The following COL18A1 variants were observed in gnomAD, a reference collection of about 807,000 sequenced individuals.
The protein encoded by COL18A1 is collagen type XVIII alpha 1 chain.
Under a neutral mutation model 168.0 loss-of-function variants are expected in COL18A1, and 133 were observed. The ratio of observed to expected loss-of-function variants is 0.79; its 90% confidence interval spans 0.69 to 0.91. The LOEUF (loss-of-function observed/expected upper bound fraction) is 0.91. Among genes scored for constraint, COL18A1 ranks in the 40% least tolerant of loss-of-function variants. COL18A1 has a pLI of 0.00. For synonymous variants in COL18A1, 949 were observed against 809.0 expected (o/e 1.17, Z -2.94); for missense variants, 2,126 against 1,925.4 (o/e 1.10, Z -1.95).
At chr21:45,507,320 G>A (rs2037272084) in intron 37 of COL18A1, 1 of 589,274 alleles carries the variant, frequency 1.7e-6, no homozygotes, top group South Asian at 1.8e-5. Context: ...ACCCTCCTGT[G>A]GGCTGGCAGG....
At chr21:45,456,827 G>A in intron 2 of COL18A1, 3 of 1,521,678 alleles carry the variant, frequency 2.0e-6, no homozygotes, top group Non-Finnish European at 1.8e-6. Flanking sequence ...CGTCGCCTGT[G>A]CCTCGCTCCC....
intron 4 of COL18A1, 26 bp downstream of exon 4, chr21:45,474,007 G>C: frequency 6.4e-7 from 1 of 1,552,990 alleles, no homozygotes; most frequent in Non-Finnish European, 8.7e-7. Flanking sequence ...GGCACGGGTG[G>C]GGTCTCCCCT....
At chr21:45,474,275 GTGGTGTGTCTCTGTGTCT>G (rs1207562926) in intron 4 of COL18A1, among the ~76,000 whole-genome samples, 2 of 150,924 alleles carry the variant, frequency 1.3e-5, no homozygotes, top group African/African-American at 5.0e-5. Flanking sequence ...CTGTGTCTGT[GTGGTGTGTCTCTGTGTCT>G]TGTGTGGTGT....
chr21:45,494,248 TC>T (rs2036455936), intron 26 of COL18A1: 12 of 472,608 alleles, frequency 2.5e-5, no homozygotes, highest in South Asian at 2.5e-4. Context: ...GCACATGCCC[TC>T]CACCCTCCAC....
intron 2 of COL18A1, among the ~76,000 whole-genome samples, chr21:45,418,275 G>T (rs1031134924): frequency 6.6e-6 from 1 of 152,220 alleles, no homozygotes; most frequent in Non-Finnish European, 1.5e-5. Flanking sequence ...GCCCCCGGCT[G>T]CCGAAGTGGT....
intron 39 of COL18A1, 31 bp from the exon 40 acceptor site, chr21:45,510,033 C>A: frequency 1.3e-6 from 2 of 1,538,434 alleles, no homozygotes; most frequent in Non-Finnish European, 1.7e-6. Flanking sequence ...CAGCGTGGGA[C>A]ACAGCCCGTG....
chr21:45,506,634 C>A (rs894701864), intron 37 of COL18A1: 1 of 171,516 alleles, frequency 5.8e-6, no homozygotes, highest in South Asian at 1.3e-4. Flanking sequence ...AGCCCCATGC[C>A]GCCGAAACGG....
At chr21:45,509,215 C>A (rs1463924786) in intron 38 of COL18A1, 141 bp from the exon 39 acceptor site, 3 of 1,156,964 alleles carry the variant, frequency 2.6e-6, no homozygotes, top group Non-Finnish European at 3.6e-6. Context: ...ACCCCCAGGG[C>A]AGCCCCAGAG....
rs759206609 is a variant in COL18A1 at position 45,493,539 on chromosome 21, C to A, written c.2316C>A (p.Asp772Glu). 1 of 1,560,784 alleles carries A rather than the reference C, an allele frequency of 6.4e-7. No homozygotes were observed. Among genetic ancestry groups the A allele is most frequent in the South Asian group, 1.2e-5 (1 of 84,726 alleles). The part of the protein sequence containing the change: ...KGEPGSIFSP[D>E]GGALGPAQKG... ...AACCGGGCAGCATCTTCAGCCCCGA[C>A]GGCGGTGCCCTGGGCCCTGCCCAGA... Residue 772 changes from aspartate (D) to glutamate (E), a missense_variant, in exon 26 of 42, where the codon GAC becomes GAA. By Grantham distance (45) the Asp-to-Glu change is conservative. Transcript: ENST00000651438.
intron 2 of COL18A1, among the ~76,000 whole-genome samples, chr21:45,436,267 C>T (rs919494714): frequency 6.6e-6 from 1 of 152,104 alleles, no homozygotes; most frequent in African/African-American, 2.4e-5. Flanking sequence ...GCCAGGAGGT[C>T]CCAGGCCCAG....
intron 2 of COL18A1, among the ~76,000 whole-genome samples, chr21:45,452,294 G>C: frequency 6.6e-6 from 1 of 152,274 alleles, no homozygotes; most frequent in East Asian, 1.9e-4. Flanking sequence ...GAGTGTGCTT[G>C]CCTGTGTGCG....
intron 2 of COL18A1, among the ~76,000 whole-genome samples, chr21:45,432,081 A>G (rs1385296632): frequency 6.6e-6 from 1 of 152,128 alleles, no homozygotes; most frequent in East Asian, 1.9e-4. Flanking sequence ...CTCGGTCCCC[A>G]CTGGCCTCCT....
In COL18A1 at chr21:45,488,455, G is replaced by A. The variant is rs1392006093; in HGVS notation, c.1923+11G>A. ...CTGCCGGGACTTAAGGTCAGTGACG[G>A]ATATGTCTGGGTTTCTGTGGTTGCT... is the stretch of plus-strand genomic sequence containing the variant. On this transcript the variant is annotated intron_variant, in intron 18 of 41. Transcript: ENST00000651438. The A allele has an allele frequency of 1.2e-6, 2 of 1,613,826 alleles. No homozygotes were observed. The highest frequency in any genetic ancestry group is 1.7e-6 in the Non-Finnish European group (2 of 1,180,014).
intron 32 of COL18A1, among the ~76,000 whole-genome samples, chr21:45,503,483 G>GT (rs1417514192): frequency 2.6e-5 from 4 of 151,982 alleles, no homozygotes; most frequent in Non-Finnish European, 4.4e-5. Flanking sequence ...CATGTCCTTT[G>GT]TAGGGACATG....
chr21:45,480,529 C>T lies in COL18A1; in HGVS notation c.1452+9C>T. The T allele has an allele frequency of 6.2e-7, 1 of 1,614,060 alleles. No homozygotes were observed. Among genetic ancestry groups the T allele is most frequent in the Non-Finnish European group, 8.5e-7 (1 of 1,180,002 alleles). ...ATCTGGAGGCCCTGCGGGTGAGTGG[C>T]CCTTAAACTGCAGCGCTGCCCGATG... On this transcript the variant is annotated intron_variant, in intron 12 of 41. Transcript: ENST00000651438.
chr21:45,462,453 T>A lies in COL18A1; in HGVS notation c.107-5789T>A, dbSNP rs1245882865. Among the ~76,000 whole-genome samples the A allele has an allele frequency of 3.9e-5, 6 of 152,308 alleles. No homozygotes were observed. The East Asian group carries it at 7.7e-4, about 20-fold the overall frequency. On this transcript the variant is annotated intron_variant, in intron 2 of 41. Coordinates refer to ENST00000651438, the MANE Select transcript of COL18A1 (RefSeq NM_001379500.1). The stretch of plus-strand genomic sequence containing the variant: ...CCCTTAGGCTCTTTTCACCTTTCTT[T>A]CATCTTTTGTCTTTGAAAATTTCCA...
At chr21:45,485,594 G>C (rs1423427574) in intron 15 of COL18A1, among the ~76,000 whole-genome samples, 2 of 152,216 alleles carry the variant, frequency 1.3e-5, no homozygotes, top group Non-Finnish European at 2.9e-5. Context: ...TTCTCATGAA[G>C]TTAGCCCTCA....
At chr21:45,411,899 A>G (rs1271112253) in intron 2 of COL18A1, among the ~76,000 whole-genome samples, 2 of 152,044 alleles carry the variant, frequency 1.3e-5, no homozygotes, top group African/African-American at 2.4e-5. Context: ...AAACCTTGCT[A>G]ATTTGGTTGA....
At position 45,477,810 on chromosome 21, in the gene COL18A1, C is replaced by T. The variant is rs750701138; in HGVS notation, c.1066C>T (p.Pro356Ser). The T allele has an allele frequency of 4.5e-6, 7 of 1,550,778 alleles. No homozygotes were observed. The highest frequency in any genetic ancestry group is 1.7e-4 in the Middle Eastern group (1 of 5,968). The change falls in exon 8 of 42, where the codon CCC (proline) becomes TCC (serine). Residue 356 changes from proline to serine, a missense_variant. Physicochemically the swap from Pro to Ser is moderately conservative, Grantham distance 74. Coordinates refer to ENST00000651438, the MANE Select transcript of COL18A1 (RefSeq NM_001379500.1). ...TCCGGGCCCACCTGGCCGGGCAGGC[C>T]CCCCAGGATCCCCATGCCTACCTGG... The part of the protein sequence containing the change: ...GVPGPPGRAG[P>S]PGSPCLPGPP...
Sources: gnomAD v4.1 joint callset for allele counts (sites outside exome capture counted in the v4.1 genomes callset) on GRCh38, gnomAD v4.1.1 for gene constraint, MANE v1.5 for transcripts, NCBI Gene and HGNC (gene_info 2026-07-23, HGNC 2026-07-21) for gene names.